Variants in FBXO22 observed in about 807,000 individuals in gnomAD.
FBXO22 encodes F-box only protein 22.
Under a neutral mutation model 37.2 loss-of-function variants are expected in FBXO22, and 13 were observed. The ratio of observed to expected loss-of-function variants is 0.35; its 90% CI spans 0.23 to 0.56. FBXO22 has a LOEUF of 0.56. Ranked by LOEUF, FBXO22 falls within the 20% of genes least tolerant of loss-of-function variation. FBXO22 has a pLI of 0.87. For synonymous variants in FBXO22, 189 were observed against 189.1 expected, an observed-to-expected ratio of 1.00 and a Z score of 0.00; for missense variants, 446 against 509.9, an observed-to-expected ratio of 0.87 and a Z score of 1.21.
At chr15:75,918,568 A>C (rs1900243358) in intron 5 of FBXO22, among the ~76,000 whole-genome samples, 1 of 152,236 alleles carries the variant, frequency 6.6e-6, no homozygotes, top group Non-Finnish European at 1.5e-5. Context: ...TGTTTATTGC[A>C]GCACTGTTCA....
intron 5 of FBXO22, among the ~76,000 whole-genome samples, chr15:75,924,874 CTT>C (rs1047363622): frequency 1.3e-5 from 2 of 152,220 alleles, no homozygotes; most frequent in Non-Finnish European, 2.9e-5. Flanking sequence ...TCCTCCCTCT[CTT>C]TTCCTTTTAC....
In FBXO22 at chr15:75,904,612, G is replaced by T. The variant is rs1361669517; in HGVS notation, c.262G>T (p.Val88Leu). ...HLEGHCLVRVVAEELENVRIL... is the reference protein window; with the variant it reads ...HLEGHCLVRVLAEELENVRIL... ...GGAGGGGCATTGCTTGGTTCGCGTG[G>T]TAGCAGAGGAGCTTGAGGCAAGTAG... is the stretch of plus-strand genomic sequence containing the variant. The change falls in exon 2 of 7, where the codon GTA becomes TTA. Residue 88 changes from valine to leucine, a missense_variant. By Grantham distance (32) the Val-to-Leu change is conservative (BLOSUM62 1). Transcript: ENST00000308275. 6.2e-7 allele frequency: 1 copy of T among 1,609,730 alleles called. No homozygotes were observed. Among genetic ancestry groups the T allele is most frequent in the Admixed American group, 1.7e-5 (1 of 59,448 alleles).
chr15:75,918,811 A>G (rs1158366424), intron 5 of FBXO22, among the ~76,000 whole-genome samples: 1 of 152,174 alleles, frequency 6.6e-6, no homozygotes, highest in Non-Finnish European at 1.5e-5. Context: ...ATAGAAATAT[A>G]GAGTTGAATG....
At position 75,941,036 on chromosome 15, in the gene FBXO22, G is replaced by T. The variant is rs574383371; in HGVS notation, c.*7934G>T. On this transcript the variant is annotated 3_prime_UTR_variant, in exon 7 of 7. Transcript: ENST00000308275. Reference sequence around the variant, plus strand: ...TGGGAGGAAATAATATGCAGTTCACGTACCTAATAAGGATTAAACATCCAG... The same window carrying T: ...TGGGAGGAAATAATATGCAGTTCACTTACCTAATAAGGATTAAACATCCAG... 6.6e-6 allele frequency: 1 copy of T among 152,188 alleles called. No homozygotes were observed. The highest frequency in any genetic ancestry group is 2.1e-4 in the South Asian group (1 of 4,826). 9.4% of individuals were successfully genotyped at this position (152,188 alleles called of 1,614,324 possible). A position where few individuals can be genotyped will look rare whatever the true frequency, so the allele number is the denominator to read the frequency against.
intron 5 of FBXO22, among the ~76,000 whole-genome samples, chr15:75,922,380 T>C (rs1216717995): frequency 1.3e-5 from 2 of 152,078 alleles, no homozygotes; most frequent in Non-Finnish European, 2.9e-5. Context: ...GCAGAATGGG[T>C]AGATTGCTGT....
intron 5 of FBXO22, among the ~76,000 whole-genome samples, chr15:75,924,156 T>C (rs937573778): frequency 1.1e-4 from 16 of 152,298 alleles, no homozygotes; most frequent in African/African-American, 3.4e-4. Context: ...AGGAAAGATA[T>C]TAATTTGGGA....
chr15:75,907,287 A>G (rs923044969), intron 2 of FBXO22, among the ~76,000 whole-genome samples: 1 of 152,246 alleles, frequency 6.6e-6, no homozygotes, highest in East Asian at 1.9e-4. Flanking sequence ...TAATTTTCCT[A>G]TGCCCTTATA....
chr15:75,921,885 A>G (rs1356862295), intron 5 of FBXO22, among the ~76,000 whole-genome samples: 1 of 152,158 alleles, frequency 6.6e-6, no homozygotes, highest in East Asian at 1.9e-4. Flanking sequence ...TCCCACTGCA[A>G]GGTCTTCAGG....
At position 75,933,803 on chromosome 15, in the gene FBXO22, C is replaced by A; in HGVS notation, c.*701C>A. 7.7e-6 allele frequency: 2 copies of A among 258,236 alleles called. No individual in the cohort carries two copies. Among genetic ancestry groups the A allele is most frequent in the South Asian group, 3.5e-5 (1 of 28,598 alleles). The allele number at this position is 258,236 out of a possible 1,614,324, so 16.0% of individuals were successfully genotyped here. On this transcript the variant is annotated 3_prime_UTR_variant, in exon 7 of 7. Transcript: ENST00000308275. ...ACATCATCTTATTTTGGTTTTATAC[C>A]AATAAAACATAGCGTGGAACTCATT...
rs557791076 is a variant in FBXO22 at position 75,917,385 on chromosome 15, A to G, written c.619A>G (p.Thr207Ala). Residue 207 changes from threonine (T) to alanine (A), a missense_variant, in exon 5 of 7, where the codon ACT (threonine) becomes GCT (alanine). Physicochemically the swap from Thr to Ala is moderately conservative, Grantham distance 58. This residue lies in a region of FBXO22 where 315 missense variants were observed against 410.1 expected (regional missense o/e 0.77). Coordinates refer to ENST00000308275, the MANE Select transcript of FBXO22 (RefSeq NM_147188.3). Reference sequence around the variant, plus strand: ...TTTAACATTAGAAAGACATCAACTCACTGAAGTAGGTAAGTTACTTTTATT... The same window carrying G: ...TTTAACATTAGAAAGACATCAACTCGCTGAAGTAGGTAAGTTACTTTTATT... ...KNLTLERHQL[T>A]EVGLLDNPEL... 1.3e-6 allele frequency: 2 copies of G among 1,580,514 alleles called. No individual in the cohort carries two copies. The highest frequency in any genetic ancestry group is 1.4e-5 in the African/African-American group (1 of 73,610).
intron 5 of FBXO22, among the ~76,000 whole-genome samples, chr15:75,926,581 T>C (rs775652715): frequency 6.6e-6 from 1 of 152,204 alleles, no homozygotes; most frequent in Non-Finnish European, 1.5e-5. Context: ...AAGATGGTGT[T>C]AACTGGAATG....
At position 75,941,822 on chromosome 15, in the gene FBXO22, G is replaced by C. The variant is rs2030988809; in HGVS notation, c.*8720G>C. On this transcript the variant is annotated 3_prime_UTR_variant, in exon 7 of 7. Coordinates refer to ENST00000308275, the MANE Select transcript of FBXO22 (RefSeq NM_147188.3). The stretch of plus-strand genomic sequence containing the variant: ...TGTGGGATCATGAAAAAGTTCCGGA[G>C]GTGCATAGTGGTGACTGGTACATAC... 6.6e-6 allele frequency: 1 copy of C among 151,656 alleles called. No homozygotes were observed. Among genetic ancestry groups the C allele is most frequent in the Non-Finnish European group, 1.5e-5 (1 of 67,934 alleles). The allele number at this position is 151,656 out of a possible 1,614,324, so 9.4% of individuals were successfully genotyped here.
chr15:75,938,192 GAAGA>G lies in FBXO22; in HGVS notation c.*5091_*5094del, dbSNP rs778130832. On this transcript the variant is annotated 3_prime_UTR_variant, in exon 7 of 7. Coordinates refer to ENST00000308275, the MANE Select transcript of FBXO22 (RefSeq NM_147188.3). The stretch of plus-strand genomic sequence containing the variant: ...AAAATAGCTGAACGTGACATAAAAG[GAAGA>G]GAGACTTCAGTGATCACACACAGAA... 13 of 152,206 alleles carry G rather than the reference GAAGA, an allele frequency of 8.5e-5. No individual in the cohort carries two copies. Among genetic ancestry groups the G allele is most frequent in the Non-Finnish European group, 1.6e-4 (11 of 68,038 alleles). The allele number at this position is 152,206 out of a possible 1,614,324, so 9.4% of individuals were successfully genotyped here.
In FBXO22 at chr15:75,940,760, T is replaced by C. The variant is rs2030872399; in HGVS notation, c.*7658T>C. 1 of 118,574 alleles carries C rather than the reference T, an allele frequency of 8.4e-6. No individual in the cohort carries two copies. The allele number at this position is 118,574 out of a possible 1,614,324, so 7.3% of individuals were successfully genotyped here. On this transcript the variant is annotated 3_prime_UTR_variant, in exon 7 of 7. Transcript: ENST00000308275. ...GGATAGTTTTTTCAACAAATAATGATGGGAAAGCTGGATAACCACATGGCT... is the reference window on the plus strand; with the variant it reads ...GGATAGTTTTTTCAACAAATAATGACGGGAAAGCTGGATAACCACATGGCT...
chr15:75,912,403 CT>C (rs1900079223), intron 2 of FBXO22, among the ~76,000 whole-genome samples: 2 of 151,884 alleles, frequency 1.3e-5, no homozygotes, highest in Admixed American at 1.3e-4. Flanking sequence ...TGGTCCTGGG[CT>C]TTTTTTGGTT....
In FBXO22 at chr15:75,935,015, T is replaced by C. The variant is rs573697865; in HGVS notation, c.*1913T>C. 2.0e-5 allele frequency: 3 copies of C among 152,364 alleles called. No individual in the cohort carries two copies. The highest frequency in any genetic ancestry group is 4.4e-5 in the Non-Finnish European group (3 of 68,032). 9.4% of individuals were successfully genotyped at this position (152,364 alleles called of 1,614,324 possible). A position where few individuals can be genotyped will look rare whatever the true frequency, so the allele number is the denominator to read the frequency against. ...CTTTTTATAGCTGAGCCTTTGGAGC[T>C]TGTTATGAACAGTAAAATCATTTAG... On this transcript the variant is annotated 3_prime_UTR_variant, in exon 7 of 7. Coordinates refer to ENST00000308275, the MANE Select transcript of FBXO22 (RefSeq NM_147188.3).
rs1275517070 is a variant in FBXO22, at chr15:75,927,943, G to GTA, written c.629-1941_629-1940insTA. Among the ~76,000 whole-genome samples the GTA allele has an allele frequency of 1.7e-3, 265 of 152,214 alleles. 2 individuals are homozygous for GTA. Among genetic ancestry groups the GTA allele is most frequent in the Non-Finnish European group, 2.0e-3 (136 of 68,016 alleles). On this transcript the variant is annotated intron_variant, in intron 5 of 6. Coordinates refer to ENST00000308275, the MANE Select transcript of FBXO22 (RefSeq NM_147188.3). ...TTAGATTCATTTTCCTGTCCCCAAA[G>GTA]CACCCGTTTGGTAATGCTGGCAGAA...
At chr15:75,923,228 T>C (rs1323430594) in intron 5 of FBXO22, among the ~76,000 whole-genome samples, 3 of 152,138 alleles carry the variant, frequency 2.0e-5, no homozygotes, top group Non-Finnish European at 4.4e-5. Context: ...TGTGATAAAA[T>C]TGCTATATTT....
In FBXO22 at chr15:75,932,858, T is replaced by A; in HGVS notation, c.968T>A (p.Met323Lys). ...NIPEHNTIGF[M>K]FACVGRGFQY... The stretch of plus-strand genomic sequence containing the variant: ...CCAGAGCATAACACCATTGGCTTCA[T>A]GTTTGCATGCGTTGGCAGGGGCTTT... Residue 323 changes from methionine to lysine, a missense_variant, in exon 7 of 7, where the codon ATG becomes AAG. Met to Lys is a moderately conservative substitution (Grantham distance 95). Coordinates refer to ENST00000308275, the MANE Select transcript of FBXO22 (RefSeq NM_147188.3). 6.2e-7 allele frequency: 1 copy of A among 1,614,248 alleles called. No individual in the cohort carries two copies. Among genetic ancestry groups the A allele is most frequent in the Non-Finnish European group, 8.5e-7 (1 of 1,180,042 alleles).
Sources: allele counts gnomAD v4.1 joint callset (sites outside exome capture counted in the v4.1 genomes callset), GRCh38; gene constraint gnomAD v4.1.1; regional missense constraint gnomAD v4.1.1; transcripts MANE v1.5; gene names NCBI Gene and HGNC (gene_info 2026-07-23, HGNC 2026-07-21).